Variants in SEPTIN6 observed in about 807,000 individuals in gnomAD.
SEPTIN6 encodes the protein septin-6.
Under a neutral mutation model 33.6 loss-of-function variants are expected in SEPTIN6, and 8 were observed. The observed-to-expected ratio is 0.24, with a 90% confidence interval of 0.14 to 0.43. The LOEUF is 0.43. SEPTIN6 is among the 20% of genes least tolerant of loss of function. The probability of loss-of-function intolerance (pLI) is 1.00; values close to 1 mark genes in which losing one functional copy is unlikely to be tolerated. For synonymous variants in SEPTIN6, 131 were observed against 140.0 expected (o/e 0.94, Z 0.45); for missense variants, 250 against 340.8 (o/e 0.73, Z 2.10).
Position 119,617,738 on chromosome X carries a change from G to T in SEPTIN6, c.*2355C>A. On this transcript the variant is annotated 3_prime_UTR_variant, in exon 11 of 11. Coordinates refer to ENST00000394610, the MANE Select transcript of SEPTIN6 (RefSeq NM_145799.4). ...GTCTGGCTTCTGCCTCGAAACAGAA[G>T]TGGGACCTCGGTCAAGTCCCTTCCC... The T allele has an allele frequency of 1.3e-6, 1 of 773,660 alleles. No homozygotes were observed. The highest frequency in any genetic ancestry group is 1.6e-6 in the Non-Finnish European group (1 of 640,814). 63.8% of individuals were successfully genotyped at this position (773,660 alleles called of 1,213,427 possible). A position where few individuals can be genotyped will look rare whatever the true frequency, so the allele number is the denominator to read the frequency against.
chrX:119,624,770 T>C (rs1194765478), intron 10 of SEPTIN6, among the ~76,000 whole-genome samples: 1 of 111,340 alleles, frequency 9.0e-6, no homozygotes, highest in African/African-American at 3.3e-5. Flanking sequence ...AGTACAATGG[T>C]GCAATCTCGG....
At chrX:119,654,591 G>C (rs2054407084) in intron 3 of SEPTIN6, among the ~76,000 whole-genome samples, 1 of 111,982 alleles carries the variant, frequency 8.9e-6, no homozygotes, top group Non-Finnish European at 1.9e-5. Context: ...CCCTAGTAGA[G>C]AAGGGGAAAA....
Position 119,617,832 on chromosome X carries a change from C to CTTAATA in SEPTIN6, c.*2255_*2260dup. The stretch of plus-strand genomic sequence containing the variant: ...TCGTCTTACTGACTAAAATGTCTCC[C>CTTAATA]TTAATATAAAACTCCTCCTTAGTTT... On this transcript the variant is annotated 3_prime_UTR_variant, in exon 11 of 11. Coordinates refer to ENST00000394610, the MANE Select transcript of SEPTIN6 (RefSeq NM_145799.4). 1 of 802,635 alleles carries CTTAATA rather than the reference C, an allele frequency of 1.2e-6. No individual in the cohort carries two copies. The highest frequency in any genetic ancestry group is 6.6e-5 in the South Asian group (1 of 15,200). 66.1% of individuals were successfully genotyped at this position (802,635 alleles called of 1,213,427 possible).
intron 2 of SEPTIN6, among the ~76,000 whole-genome samples, chrX:119,673,000 A>C (rs1365838795): frequency 8.9e-6 from 1 of 111,983 alleles, no homozygotes; most frequent in Non-Finnish European, 1.9e-5. Context: ...GCATAGTAGA[A>C]GTCACATCTT....
In SEPTIN6 at chrX:119,618,543, T is replaced by C; in HGVS notation, c.*1550A>G. 1 of 833,238 alleles carries C rather than the reference T, an allele frequency of 1.2e-6. No individual in the cohort carries two copies. The highest frequency in any genetic ancestry group is 1.5e-6 in the Non-Finnish European group (1 of 664,007). 68.7% of individuals were successfully genotyped at this position (833,238 alleles called of 1,213,427 possible). ...AGTAAGTGATCAAAAAAAGAAACTC[T>C]AAAAAAAAAATAGAAGTAGGTGGTC... On this transcript the variant is annotated 3_prime_UTR_variant, in exon 11 of 11. Coordinates refer to ENST00000394610, the MANE Select transcript of SEPTIN6 (RefSeq NM_145799.4).
intron 1 of SEPTIN6, among the ~76,000 whole-genome samples, chrX:119,686,859 G>A (rs373598962): frequency 1.8e-5 from 2 of 111,779 alleles, no homozygotes; most frequent in Admixed American, 1.9e-4. Context: ...GAGAGTCTCC[G>A]AATCACCCTA....
chrX:119,621,725 C>T (rs779667878), intron 10 of SEPTIN6, among the ~76,000 whole-genome samples: 2 of 107,299 alleles, frequency 1.9e-5, no homozygotes, highest in Admixed American at 2.0e-4. Context: ...CTCCTGACCT[C>T]GGGTGATCCT....
intron 5 of SEPTIN6, among the ~76,000 whole-genome samples, chrX:119,644,907 AT>A (rs567544320): frequency 0.2 from 19,271 of 95,852 alleles, 1,570 homozygotes; most frequent in Middle Eastern, 0.23. Context: ...GCCCAATCAC[AT>A]TTTTTTTTTT....
chrX:119,632,278 C>T (rs188035356), intron 8 of SEPTIN6, among the ~76,000 whole-genome samples: 3,478 of 109,795 alleles, frequency 0.032, 68 homozygotes, highest in Non-Finnish European at 0.047. Flanking sequence ...TCACTGCAAG[C>T]TCCGCCTTCC....
chrX:119,645,204 G>A (rs1303863047), intron 5 of SEPTIN6, among the ~76,000 whole-genome samples: 1 of 105,046 alleles, frequency 9.5e-6, no homozygotes, highest in African/African-American at 3.5e-5. Context: ...CACCGCGCCT[G>A]GCCAGGCCCA....
chrX:119,625,736 A>C (rs1006027917), intron 9 of SEPTIN6, among the ~76,000 whole-genome samples: 1 of 110,562 alleles, frequency 9.0e-6, no homozygotes. Context: ...TTTTTTGTAG[A>C]GACAAAGGTC....
At chrX:119,689,772 C>T (rs1186771930) in intron 1 of SEPTIN6, among the ~76,000 whole-genome samples, 1 of 109,852 alleles carries the variant, frequency 9.1e-6, no homozygotes, top group Non-Finnish European at 1.9e-5. Context: ...GCTCTGTTGC[C>T]CAGGCTGGAG....
intron 5 of SEPTIN6, among the ~76,000 whole-genome samples, chrX:119,645,927 T>C (rs951578641): frequency 8.9e-6 from 1 of 112,376 alleles, no homozygotes; most frequent in African/African-American, 3.2e-5. Flanking sequence ...CTAACTTAAA[T>C]TCTTCTTGTA....
intron 3 of SEPTIN6, among the ~76,000 whole-genome samples, chrX:119,662,794 C>T (rs1425756411): frequency 8.9e-6 from 1 of 112,794 alleles, no homozygotes; most frequent in Admixed American, 9.4e-5. Flanking sequence ...ATTAGCTTCA[C>T]AGTGACTCTG....
chrX:119,623,113 A>G (rs1298483625), intron 10 of SEPTIN6, among the ~76,000 whole-genome samples: 1 of 112,124 alleles, frequency 8.9e-6, no homozygotes, highest in African/African-American at 3.2e-5. Context: ...AGCTGCGGCA[A>G]TCAGTTTGGT....
At chrX:119,684,675 G>A (rs2055025396) in intron 1 of SEPTIN6, among the ~76,000 whole-genome samples, 2 of 109,611 alleles carry the variant, frequency 1.8e-5, no homozygotes, top group African/African-American at 6.6e-5. Context: ...ATTTTTAGAA[G>A]AGACGGGGTT....
At chrX:119,670,665 G>A (rs983237819) in intron 2 of SEPTIN6, among the ~76,000 whole-genome samples, 12 of 108,837 alleles carry the variant, frequency 1.1e-4, no homozygotes, top group African/African-American at 1.7e-4. Flanking sequence ...TCGGCCGGAC[G>A]CAGTGGCTCA....
intron 8 of SEPTIN6, among the ~76,000 whole-genome samples, chrX:119,631,426 C>CA (rs2053959591): frequency 1.8e-5 from 2 of 110,557 alleles, no homozygotes; most frequent in Non-Finnish European, 3.8e-5. Flanking sequence ...GTCATCCGCC[C>CA]ACCTTGGCCT....
rs781688161 is a variant in SEPTIN6, at chrX:119,644,224, A to C, written c.691-3436T>G. ...TCAGGAGAGTCTGTGTGACTCTCTC[A>C]CTCAGACTTCCAATGAGGCGCCCTC... On this transcript the variant is annotated intron_variant, in intron 5 of 10. Coordinates refer to ENST00000394610, the MANE Select transcript of SEPTIN6 (RefSeq NM_145799.4). 3.0e-4 allele frequency among the ~76,000 whole-genome samples: 33 copies of C among 110,832 alleles called. No individual in the cohort carries two copies. The Middle Eastern group carries it at 0.019, about 62-fold the overall frequency.
Sources: gnomAD v4.1 joint callset for allele counts (sites outside exome capture counted in the v4.1 genomes callset) on GRCh38, gnomAD v4.1.1 for gene constraint, MANE v1.5 for transcripts, NCBI Gene and HGNC (gene_info 2026-07-23, HGNC 2026-07-21) for gene names.